Variants in CTNNA2 observed in about 807,000 individuals in gnomAD.
CTNNA2 encodes catenin alpha-2.
A neutral mutation model predicts 101.0 loss-of-function variants in CTNNA2; 42 were observed. The observed-to-expected ratio is 0.42, with a 90% CI of 0.32 to 0.54. The LOEUF (loss-of-function observed/expected upper bound fraction) is 0.54, where lower values mean the gene tolerates loss of function less well. Among genes scored for constraint, CTNNA2 ranks in the 20% least tolerant of loss-of-function variants. The probability of loss-of-function intolerance (pLI) is 0.14; values close to 1 mark genes in which losing one functional copy is unlikely to be tolerated. For synonymous variants in CTNNA2, 450 were observed against 456.4 expected (o/e 0.99, Z 0.18); for missense variants, 871 against 1,223.1 (o/e 0.71, Z 4.29).
At chr2:79,535,692 A>G (rs1414332024) in intron 1 of CTNNA2, among the ~76,000 whole-genome samples, 2 of 152,240 alleles carry the variant, frequency 1.3e-5, no homozygotes, top group East Asian at 1.9e-4. Context: ...ATTTTTAGGT[A>G]TGAATGCTAT....
intron 1 of CTNNA2, among the ~76,000 whole-genome samples, chr2:79,614,112 A>G (rs1678466993): frequency 6.6e-6 from 1 of 152,162 alleles, no homozygotes; most frequent in Non-Finnish European, 1.5e-5. Flanking sequence ...TCTTTTTTAA[A>G]TATACTGAGC....
chr2:79,891,024 A>T (rs562971950), intron 6 of CTNNA2, among the ~76,000 whole-genome samples: 1 of 151,224 alleles, frequency 6.6e-6, no homozygotes, highest in East Asian at 2.0e-4. Flanking sequence ...CACTTTGGGT[A>T]TTAAATTCCA....
At position 80,235,371 on chromosome 2, in the gene CTNNA2, G is replaced by A. The variant is rs115418302; in HGVS notation, c.1057-157840G>A. On this transcript the variant is annotated intron_variant, in intron 7 of 18. Transcript: ENST00000402739. The stretch of plus-strand genomic sequence containing the variant: ...TCTAGGAGATTTTTCCAAGTATTCG[G>A]GCTGTTTCTGCTCTTGAAGGAACTA... Among the ~76,000 whole-genome samples, 1,432 of 152,198 alleles carry A rather than the reference G, an allele frequency of 9.4e-3. 23 individuals carry two copies. Among genetic ancestry groups the A allele is most frequent in the African/African-American group, 0.033 (1,359 of 41,524 alleles).
At chr2:80,588,405 T>C (rs1696155259) in intron 14 of CTNNA2, among the ~76,000 whole-genome samples, 2 of 152,188 alleles carry the variant, frequency 1.3e-5, no homozygotes, top group Admixed American at 6.5e-5. Flanking sequence ...ATTGCCTTGT[T>C]CAACCTCATC....
At chr2:79,546,259 A>G (rs1317966844) in intron 1 of CTNNA2, among the ~76,000 whole-genome samples, 3 of 152,064 alleles carry the variant, frequency 2.0e-5, no homozygotes, top group Non-Finnish European at 4.4e-5. Context: ...TGTTTTTTCT[A>G]GGTCCTAAGT....
chr2:79,758,705 C>T (rs6719659), intron 3 of CTNNA2, among the ~76,000 whole-genome samples: 75,597 of 152,028 alleles, frequency 0.5, 22,250 homozygotes, highest in African/African-American at 0.8. Context: ...AATTTGGTTT[C>T]CTGTTCCTGC....
chr2:80,266,975 T>C (rs917353764), intron 7 of CTNNA2, among the ~76,000 whole-genome samples: 1 of 152,176 alleles, frequency 6.6e-6, no homozygotes, highest in Non-Finnish European at 1.5e-5. Flanking sequence ...TAGAATGGTG[T>C]TATTTTTGTA....
At chr2:80,619,346 C>T in intron 18 of CTNNA2, 118 bp downstream of exon 18, 2 of 1,173,166 alleles carry the variant, frequency 1.7e-6, no homozygotes, top group South Asian at 2.9e-5. Flanking sequence ...TTAATATTAA[C>T]CAACTTTGGG....
intron 4 of CTNNA2, among the ~76,000 whole-genome samples, chr2:79,460,558 C>T (rs947033931): frequency 3.3e-5 from 5 of 152,196 alleles, no homozygotes; most frequent in Admixed American, 3.3e-4. Context: ...AATTTCTCAC[C>T]CGAATTATTA....
intron 18 of CTNNA2, among the ~76,000 whole-genome samples, chr2:80,629,079 A>G (rs1487080691): frequency 1.3e-5 from 2 of 152,208 alleles, no homozygotes; most frequent in East Asian, 3.9e-4. Context: ...CATTGAGCAC[A>G]GGGTCCAGAA....
chr2:79,484,342 T>C (rs1223601640), intron 4 of CTNNA2, among the ~76,000 whole-genome samples: 1 of 152,308 alleles, frequency 6.6e-6, no homozygotes, highest in African/African-American at 2.4e-5. Context: ...TGAGCACTCA[T>C]GTAGATTGCC....
At chr2:80,610,740 G>A (rs145492613) in intron 17 of CTNNA2, among the ~76,000 whole-genome samples, 7 of 151,768 alleles carry the variant, frequency 4.6e-5, no homozygotes, top group East Asian at 2.0e-4. Context: ...AGCAAAATGC[G>A]CAATTATGTC....
chr2:79,479,752 A>G (rs1963398), intron 4 of CTNNA2, among the ~76,000 whole-genome samples: 91,548 of 151,642 alleles, frequency 0.6, 28,045 homozygotes, highest in Non-Finnish European at 0.66. Context: ...GTGAAACTCC[A>G]TCTCCACTAA....
At chr2:80,385,460 T>C (rs1383717295) in intron 7 of CTNNA2, among the ~76,000 whole-genome samples, 5 of 152,212 alleles carry the variant, frequency 3.3e-5, no homozygotes, top group Non-Finnish European at 7.3e-5. Context: ...AATCTAGGAC[T>C]TCCCAGCCTC....
intron 7 of CTNNA2, among the ~76,000 whole-genome samples, chr2:80,083,850 A>G (rs1263118883): frequency 6.6e-6 from 1 of 152,170 alleles, no homozygotes; most frequent in Non-Finnish European, 1.5e-5. Flanking sequence ...AAGATCTTAC[A>G]AGAAGAAATT....
At chr2:80,118,257 C>A (rs545934914) in intron 7 of CTNNA2, among the ~76,000 whole-genome samples, 20 of 152,264 alleles carry the variant, frequency 1.3e-4, no homozygotes, top group Middle Eastern at 3.4e-3. Context: ...TCAGTCTATT[C>A]AAAATAGACG....
At chr2:79,927,705 T>G (rs1687119166) in intron 7 of CTNNA2, among the ~76,000 whole-genome samples, 2 of 152,252 alleles carry the variant, frequency 1.3e-5, no homozygotes, top group African/African-American at 4.8e-5. Flanking sequence ...TATTAGGTTT[T>G]GATCATATAA....
chr2:79,209,975 G>T (rs1674149612), intron 2 of CTNNA2, among the ~76,000 whole-genome samples: 1 of 151,622 alleles, frequency 6.6e-6, no homozygotes, highest in African/African-American at 2.4e-5. Flanking sequence ...TGTTGGGGGG[G>T]CGGGGGTGTG....
chr2:80,200,093 G>C (rs1707106759), intron 7 of CTNNA2, among the ~76,000 whole-genome samples: 1 of 152,196 alleles, frequency 6.6e-6, no homozygotes, highest in East Asian at 1.9e-4. Context: ...AACTGTTTGG[G>C]AGAGTAGGAA....
Sources: gnomAD v4.1 joint callset for allele counts (sites outside exome capture counted in the v4.1 genomes callset) on GRCh38, gnomAD v4.1.1 for gene constraint, MANE v1.5 for transcripts, NCBI Gene and HGNC (gene_info 2026-07-23, HGNC 2026-07-21) for gene names.